The following CTH variants were observed in gnomAD, a reference collection of about 807,000 sequenced individuals.
CTH encodes cystathionase (cystathionine gamma-lyase).
Under a neutral mutation model 50.6 loss-of-function variants are expected in CTH, and 41 were observed. The observed-to-expected ratio is 0.81, with a 90% CI of 0.63 to 1.05. The LOEUF (loss-of-function observed/expected upper bound fraction) is 1.05. Ranked by LOEUF, CTH falls within the 50% of genes least tolerant of loss-of-function variation. The pLI, the probability that CTH is intolerant of heterozygous loss-of-function variation, is 0.00. For synonymous variants in CTH, 156 were observed against 168.9 expected (o/e 0.92, Z 0.59); for missense variants, 470 against 492.6 (o/e 0.95, Z 0.43).
chr1:70,429,646 A>G lies in CTH; in HGVS notation c.589-148A>G, dbSNP rs752551755. ...AGGGAGGCAAAGGAGAAATAATATCAGAGATCCTGGAAAATTTTAAGATGC... is the reference window on the plus strand; with the variant it reads ...AGGGAGGCAAAGGAGAAATAATATCGGAGATCCTGGAAAATTTTAAGATGC... On this transcript the variant is annotated intron_variant, in intron 5 of 11. Transcript: ENST00000370938. 4.2e-4 allele frequency: 268 copies of G among 642,404 alleles called. 1 individual carries two copies. Among genetic ancestry groups the G allele is most frequent in the Middle Eastern group, 1.2e-3 (3 of 2,502 alleles). 39.8% of individuals were successfully genotyped at this position (642,404 alleles called of 1,614,324 possible).
At chr1:70,430,757 G>C (rs34328255) in intron 7 of CTH, 10,044 of 163,238 alleles carry the variant, frequency 0.062, 419 homozygotes, top group South Asian at 0.13. Flanking sequence ...TGACCAGGCT[G>C]GTCTCAAACT....
chr1:70,414,441 G>A (rs1258413403), intron 1 of CTH, among the ~76,000 whole-genome samples: 2 of 151,964 alleles, frequency 1.3e-5, no homozygotes, highest in Admixed American at 6.6e-5. Flanking sequence ...GAACCCGGGA[G>A]GTGGAGGTTG....
At chr1:70,435,861 CAA>C (rs976489042) in intron 10 of CTH, among the ~76,000 whole-genome samples, 1 of 152,042 alleles carries the variant, frequency 6.6e-6, no homozygotes, top group African/African-American at 2.4e-5. Context: ...CTGATTGACT[CAA>C]GTGTCACACA....
At chr1:70,421,811 G>C in intron 4 of CTH, 136 bp downstream of exon 4, 1 of 867,834 alleles carries the variant, frequency 1.2e-6, no homozygotes, top group Non-Finnish European at 1.9e-6. Flanking sequence ...ACAAAATTAA[G>C]ATAGACTGTC....
intron 5 of CTH, among the ~76,000 whole-genome samples, chr1:70,429,086 C>T (rs1684409380): frequency 6.6e-6 from 1 of 152,128 alleles, no homozygotes; most frequent in Admixed American, 6.6e-5. Flanking sequence ...CTCCAACTCC[C>T]AGCCGTCTAG....
At chr1:70,427,605 A>G (rs1477409768) in intron 5 of CTH, among the ~76,000 whole-genome samples, 1 of 152,214 alleles carries the variant, frequency 6.6e-6, no homozygotes, top group African/African-American at 2.4e-5. Flanking sequence ...ATAGCCACCT[A>G]TACTAATATC....
intron 5 of CTH, among the ~76,000 whole-genome samples, chr1:70,428,890 G>A (rs1192623821): frequency 1.3e-5 from 2 of 151,968 alleles, no homozygotes; most frequent in African/African-American, 4.8e-5. Context: ...TGGGATTACA[G>A]GTATGAGCCC....
In CTH at chr1:70,424,224, T is replaced by C. The variant is rs1684292445; in HGVS notation, c.457-61T>C. ...TAGCTTCCCAGATTGTTACAATATA[T>C]GAGATGTATGTTTGTAAAGTATATT... On this transcript the variant is annotated intron_variant, in intron 4 of 11. Transcript: ENST00000370938. 2.5e-6 allele frequency: 4 copies of C among 1,611,394 alleles called. No homozygotes were observed. In the South Asian group the frequency reaches 4.4e-5, roughly 18 times the overall value.
At chr1:70,424,261 C>T (rs1254485708) in intron 4 of CTH, 24 bp from the exon 5 acceptor site, 1 of 1,613,750 alleles carries the variant, frequency 6.2e-7, no homozygotes, top group Admixed American at 1.7e-5. Flanking sequence ...TTACAAACTA[C>T]TGTTATTTGC....
intron 4 of CTH, 80 bp from the exon 5 acceptor site, chr1:70,424,205 C>T: frequency 6.2e-7 from 1 of 1,607,502 alleles, no homozygotes; most frequent in East Asian, 2.2e-5. Context: ...AATGTAGCTT[C>T]CCAGATTGTT....
At chr1:70,438,569 T>C (rs1684647359) in intron 10 of CTH, 119 bp from the exon 11 acceptor site, 7 of 1,026,496 alleles carry the variant, frequency 6.8e-6, no homozygotes, top group Non-Finnish European at 1.1e-5. Flanking sequence ...ATTATAGGGG[T>C]ATGCAAAATT....
chr1:70,413,476 G>A (rs189673641), intron 1 of CTH, among the ~76,000 whole-genome samples: 3 of 151,792 alleles, frequency 2.0e-5, no homozygotes, highest in Admixed American at 1.3e-4. Context: ...ATGTTGGCCA[G>A]GCTGCTCTTG....
chr1:70,427,794 C>A (rs1019758675), intron 5 of CTH, among the ~76,000 whole-genome samples: 1 of 152,130 alleles, frequency 6.6e-6, no homozygotes, highest in African/African-American at 2.4e-5. Context: ...CTCACTGCAA[C>A]CACCGCCTCC....
Position 70,432,134 on chromosome 1 carries a change from T to C in CTH, c.776T>C (p.Leu259Pro), listed in dbSNP as rs1189786129. Residue 259 changes from leucine (L) to proline (P), a missense_variant, in exon 8 of 12, where the codon CTG becomes CCG. Physicochemically the swap from Leu to Pro is moderately conservative, Grantham distance 98. Transcript: ENST00000370938. ...GATTGTTACCTCTGCAATCGAGGTC[T>C]GAAGACTCTACATGTCCGAATGGAA... The part of the protein sequence containing the change: ...PIDCYLCNRG[L>P]KTLHVRMEKH... The C allele has an allele frequency of 6.2e-7, 1 of 1,614,170 alleles. No individual in the cohort carries two copies. Among genetic ancestry groups the C allele is most frequent in the Non-Finnish European group, 8.5e-7 (1 of 1,180,010 alleles).
At chr1:70,430,547 A>C (rs1684442868) in intron 7 of CTH, among the ~76,000 whole-genome samples, 153 bp downstream of exon 7, 1 of 142,266 alleles carries the variant, frequency 7.0e-6, no homozygotes, top group East Asian at 2.1e-4. Flanking sequence ...TTTATTTATT[A>C]ATTTTTTTTT....
chr1:70,434,005 C>T, intron 9 of CTH, 56 bp downstream of exon 9: 1 of 1,607,608 alleles, frequency 6.2e-7, no homozygotes, highest in Admixed American at 1.7e-5. Context: ...CAGCAGTTCA[C>T]TATCTCTCAC....
chr1:70,430,370 A>C lies in CTH; in HGVS notation c.700A>C (p.Asn234His). The change falls in exon 7 of 12, where the codon AAT becomes CAT. Residue 234 changes from asparagine to histidine, a missense_variant. Coordinates refer to ENST00000370938, the MANE Select transcript of CTH (RefSeq NM_001902.6). The part of the protein sequence containing the change: ...LVSVNCESLH[N>H]RLRFLQNSLG... ...GTCTGTTAATTGTGAAAGCCTTCAT[A>C]ATAGACTTCGTTTCTTGCAAAACTG... The C allele has an allele frequency of 1.3e-6, 2 of 1,591,676 alleles. No individual in the cohort carries two copies. Among genetic ancestry groups the C allele is most frequent in the Non-Finnish European group, 1.7e-6 (2 of 1,159,672 alleles).
rs1572270968 is a variant in CTH, at chr1:70,434,007, A to G, written c.999+58A>G. On this transcript the variant is annotated intron_variant, in intron 9 of 11. Transcript: ENST00000370938. ...AGGTAAGGCCTTACAGCAGTTCACT[A>G]TCTCTCACTTCTACTCAAGCCAGAT... The G allele has an allele frequency of 2.1e-5, 33 of 1,607,844 alleles. No individual in the cohort carries two copies. In the East Asian group the frequency reaches 5.6e-4, roughly 27 times the overall value.
intron 7 of CTH, 145 bp downstream of exon 7, chr1:70,430,539 T>A (rs1182661263): frequency 1.2e-5 from 7 of 581,220 alleles, no homozygotes; most frequent in Middle Eastern, 4.6e-4. Context: ...TGATTTTTTT[T>A]ATTTATTAAT....
Sources: gnomAD v4.1 joint callset for allele counts (sites outside exome capture counted in the v4.1 genomes callset) on GRCh38, gnomAD v4.1.1 for gene constraint, MANE v1.5 for transcripts, NCBI Gene and HGNC (gene_info 2026-07-23, HGNC 2026-07-21) for gene names.